The following CCDC141 variants were observed in gnomAD, a reference collection of about 807,000 sequenced individuals.
CCDC141 encodes coiled-coil domain-containing protein 141.
Under a neutral mutation model 181.0 loss-of-function variants are expected in CCDC141, and 168 were observed. The observed-to-expected ratio is 0.93, with a 90% CI of 0.82 to 1.05. CCDC141 has a LOEUF of 1.05. CCDC141 is among the 50% of genes least tolerant of loss of function. The pLI is 0.00. For synonymous variants in CCDC141, 666 were observed against 642.3 expected, an observed-to-expected ratio of 1.04 and a Z score of -0.56; for missense variants, 1,902 against 1,788.5, an observed-to-expected ratio of 1.06 and a Z score of -1.14.
chr2:178,873,780 A>G (rs1477840722), intron 12 of CCDC141: 1 of 152,198 alleles, frequency 6.6e-6, no homozygotes, highest in African/African-American at 2.4e-5. Flanking sequence ...AATGTTTGTC[A>G]TAATCCAGTC....
chr2:178,820,856 T>C, the CCDC141 span, among the ~76,000 whole-genome samples: 1 of 152,192 alleles, frequency 6.6e-6, no homozygotes, highest in Non-Finnish European at 1.5e-5. Flanking sequence ...CGTGGACATT[T>C]TGATAGCCCT....
downstream of CCDC141, among the ~76,000 whole-genome samples, chr2:178,829,152 C>T (rs149382828): frequency 1.3e-5 from 2 of 152,202 alleles, no homozygotes; most frequent in African/African-American, 4.8e-5. Context: ...TCATCTACTC[C>T]TATGGTTAAA....
At chr2:178,971,970 TGTAA>T (rs1413118379) in intron 4 of CCDC141, among the ~76,000 whole-genome samples, 1 of 152,020 alleles carries the variant, frequency 6.6e-6, no homozygotes, top group African/African-American at 2.4e-5. Context: ...AAATACCTAA[TGTAA>T]GTGACGGGTT....
chr2:178,829,686 A>C (rs1431146119), downstream of CCDC141: 1 of 152,244 alleles, frequency 6.6e-6, no homozygotes, highest in Admixed American at 6.5e-5. Context: ...ATGCAACTCA[A>C]GATTCCGCTT....
At chr2:178,951,486 T>TA (rs1689950320) in intron 5 of CCDC141, among the ~76,000 whole-genome samples, 1 of 152,322 alleles carries the variant, frequency 6.6e-6, no homozygotes, top group East Asian at 1.9e-4. Flanking sequence ...AAATAACTGG[T>TA]AAATTTTAAA....
At chr2:178,947,445 G>A (rs1028385714) in intron 5 of CCDC141, among the ~76,000 whole-genome samples, 1 of 152,098 alleles carries the variant, frequency 6.6e-6, no homozygotes. Context: ...GGATTAAAGG[G>A]GTTAATTAGA....
chr2:179,049,294 A>G (rs73973201), intron 1 of CCDC141, among the ~76,000 whole-genome samples: 8 of 152,140 alleles, frequency 5.3e-5, no homozygotes, highest in Non-Finnish European at 8.8e-5. Flanking sequence ...CTGGACAAGG[A>G]TTTAGTAGTT....
At chr2:178,988,244 T>C (rs1402640591) in intron 2 of CCDC141, among the ~76,000 whole-genome samples, 1 of 147,362 alleles carries the variant, frequency 6.8e-6, no homozygotes, top group Non-Finnish European at 1.5e-5. Flanking sequence ...CCGTATATTC[T>C]CACTCATAGG....
At chr2:178,896,507 T>A (rs1339779090) in intron 8 of CCDC141, among the ~76,000 whole-genome samples, 1 of 152,154 alleles carries the variant, frequency 6.6e-6, no homozygotes, top group African/African-American at 2.4e-5. Flanking sequence ...CTAAATGAAC[T>A]GAAAGAAAGA....
chr2:178,993,708 C>A (rs574603331), intron 2 of CCDC141, among the ~76,000 whole-genome samples: 3 of 152,170 alleles, frequency 2.0e-5, no homozygotes, highest in Non-Finnish European at 4.4e-5. Context: ...TCTAAAGTCT[C>A]ATCCAAGACA....
At chr2:179,039,424 T>C (rs751079165) in intron 2 of CCDC141, among the ~76,000 whole-genome samples, 1 of 152,196 alleles carries the variant, frequency 6.6e-6, no homozygotes, top group Non-Finnish European at 1.5e-5. Context: ...AACATAATAA[T>C]TATGCCACTT....
chr2:178,894,052 C>G (rs1401176674), intron 8 of CCDC141, among the ~76,000 whole-genome samples: 1 of 152,124 alleles, frequency 6.6e-6, no homozygotes, highest in Admixed American at 6.6e-5. Flanking sequence ...AGCTGAAATT[C>G]TCTGCCCTCA....
intron 20 of CCDC141, among the ~76,000 whole-genome samples, chr2:178,851,775 C>G (rs1236087586): frequency 6.6e-6 from 1 of 152,230 alleles, no homozygotes; most frequent in Non-Finnish European, 1.5e-5. Flanking sequence ...AAGGACTAGA[C>G]TGTGGTCTCT....
rs557495488 is a variant in CCDC141, at chr2:178,855,595, C to G, written c.2866-54G>C. 4 of 1,260,456 alleles carry G rather than the reference C, an allele frequency of 3.2e-6. No homozygotes were observed. The African/African-American group carries it at 6.1e-5, about 19-fold the overall frequency. The allele number at this position is 1,260,456 out of a possible 1,614,324, so 78.1% of individuals were successfully genotyped here. A position where few individuals can be genotyped will look rare whatever the true frequency, so the allele number is the denominator to read the frequency against. On this transcript the variant is annotated intron_variant, in intron 18 of 23. Transcript: ENST00000443758. ...CAACATTCAATTTGTATTTATGATG[C>G]TAGTGATTAAATACTGAGAGAAAAA...
At position 178,907,924 on chromosome 2, in the gene CCDC141, G is replaced by A. The variant is rs535768581; in HGVS notation, c.1093-2423C>T. On this transcript the variant is annotated intron_variant, in intron 7 of 23. Coordinates refer to ENST00000443758, the MANE Select transcript of CCDC141 (RefSeq NM_173648.4). ...TGAGGCAAGAGAATCACTAGAACCC[G>A]GGAGGTGGAGGTTGCAGTGAGCTGA... is the stretch of plus-strand genomic sequence containing the variant. 1.1e-4 allele frequency among the ~76,000 whole-genome samples: 16 copies of A among 151,986 alleles called. No homozygotes were observed. In the East Asian group the frequency reaches 2.3e-3, roughly 22 times the overall value.
intron 2 of CCDC141, among the ~76,000 whole-genome samples, chr2:179,003,124 T>C (rs187579153): frequency 5.3e-5 from 8 of 152,180 alleles, no homozygotes; most frequent in African/African-American, 1.9e-4. Context: ...AAAATAAAAT[T>C]GAAAATTTTT....
rs147626409 is a variant in CCDC141, at chr2:179,020,057, G to C, written c.225+27227C>G. ...AGGCATGGACCACTATGCCCAGCTG[G>C]AAAGATCATTTGATAGATAAGATAA... On this transcript the variant is annotated intron_variant, in intron 2 of 23. Coordinates refer to ENST00000443758, the MANE Select transcript of CCDC141 (RefSeq NM_173648.4). 1.7e-3 allele frequency among the ~76,000 whole-genome samples: 258 copies of C among 152,176 alleles called. 1 individual carries two copies. The highest frequency in any genetic ancestry group is 5.9e-3 in the African/African-American group (244 of 41,542).
rs74584587 is a variant in CCDC141, at chr2:178,898,793, T to C, written c.1265+6536A>G. The stretch of plus-strand genomic sequence containing the variant: ...TTCATCTCAGATAAATGTAAACTTC[T>C]GAGGTCCTATTTTTTGACTAACAGA... On this transcript the variant is annotated intron_variant, in intron 8 of 23. Transcript: ENST00000443758. Among the ~76,000 whole-genome samples, 577 of 152,286 alleles carry C rather than the reference T, an allele frequency of 3.8e-3. 3 individuals carry two copies. Among genetic ancestry groups the C allele is most frequent in the Non-Finnish European group, 6.0e-3 (407 of 68,018 alleles).
In CCDC141 at chr2:179,049,839, C is replaced by G; in HGVS notation, c.102+1G>C. ...CAGAAAAAAGGAAGTTGTTAGCTTA[C>G]CTTTATGACAGCTATAACGATTTTG... On this transcript the variant is annotated splice_donor_variant, in intron 1 of 23. Transcript: ENST00000443758. LOFTEE classifies it high-confidence loss of function. 6.4e-7 allele frequency: 1 copy of G among 1,550,684 alleles called. No individual in the cohort carries two copies. The highest frequency in any genetic ancestry group is 1.2e-5 in the South Asian group (1 of 84,050).
Sources: gnomAD v4.1 joint callset for allele counts (sites outside exome capture counted in the v4.1 genomes callset) on GRCh38, gnomAD v4.1.1 for gene constraint, MANE v1.5 for transcripts, NCBI Gene and HGNC (gene_info 2026-07-23, HGNC 2026-07-21) for gene names.